Variants in TAS2R1 observed in about 807,000 individuals in gnomAD.
The protein encoded by TAS2R1 is taste receptor type 2 member 1.
For synonymous variants in TAS2R1, 141 were observed against 134.2 expected (o/e 1.05, Z -0.35); for missense variants, 370 against 353.4 (o/e 1.05, Z -0.38).
chr5:9,718,161 G>A, the TAS2R1 span, among the ~76,000 whole-genome samples: 1 of 151,014 alleles, frequency 6.6e-6, no homozygotes, highest in East Asian at 2.0e-4. Flanking sequence ...AGTAGAGACG[G>A]TGTTTCGCCG....
chr5:9,687,139 T>C (rs1156421103), intron 1 of TAS2R1, among the ~76,000 whole-genome samples: 1 of 152,098 alleles, frequency 6.6e-6, no homozygotes, highest in East Asian at 1.9e-4. Context: ...TAATTTTGTA[T>C]TTTTTAGTAC....
At chr5:9,893,902 T>C in the TAS2R1 span, among the ~76,000 whole-genome samples, 14 of 152,320 alleles carry the variant, frequency 9.2e-5, no homozygotes, top group Non-Finnish European at 1.5e-4. Context: ...ACACAGTACC[T>C]AACATGGCCT....
chr5:9,766,099 T>C, the TAS2R1 span, among the ~76,000 whole-genome samples: 11 of 152,320 alleles, frequency 7.2e-5, no homozygotes, highest in African/African-American at 2.4e-4. Flanking sequence ...TATGCAGGAA[T>C]ACAGCACAAA....
chr5:9,716,345 T>C (rs1324651047), upstream of TAS2R1, among the ~76,000 whole-genome samples: 1 of 152,142 alleles, frequency 6.6e-6, no homozygotes, highest in African/African-American at 2.4e-5. Flanking sequence ...TTTCCCTTTT[T>C]TCCCTTTTCA....
intron 2 of TAS2R1, among the ~76,000 whole-genome samples, chr5:9,650,336 A>G (rs190753703): frequency 1.1e-4 from 16 of 151,972 alleles, no homozygotes; most frequent in African/African-American, 3.1e-4. Context: ...AATGCTGGGG[A>G]AAAAAGGGTG....
At chr5:9,740,835 C>T in the TAS2R1 span, among the ~76,000 whole-genome samples, 1,984 of 152,220 alleles carry the variant, frequency 0.013, 36 homozygotes, top group African/African-American at 0.043. Flanking sequence ...TACACTGCAC[C>T]GTAATCATTT....
At chr5:9,707,933 G>A (rs1446713658) in intron 1 of TAS2R1, among the ~76,000 whole-genome samples, 1 of 152,064 alleles carries the variant, frequency 6.6e-6, no homozygotes, top group African/African-American at 2.4e-5. Context: ...CTCTCTGCCT[G>A]GAGCTTCTTC....
the TAS2R1 span, among the ~76,000 whole-genome samples, chr5:9,796,740 GAAAAGAAAAAAA>G: frequency 9.7e-6 from 1 of 102,808 alleles, no homozygotes; most frequent in Non-Finnish European, 2.0e-5. Context: ...AAAAAAAAAA[GAAAAGAAAAAAA>G]AAAAGAAAAG....
At chr5:9,761,412 C>T in the TAS2R1 span, among the ~76,000 whole-genome samples, 1 of 138,026 alleles carries the variant, frequency 7.2e-6, no homozygotes, top group African/African-American at 2.7e-5. Context: ...CTTCAAGTCC[C>T]AGAAAAAAAA....
chr5:9,764,427 C>T, the TAS2R1 span, among the ~76,000 whole-genome samples: 1 of 152,156 alleles, frequency 6.6e-6, no homozygotes, highest in Non-Finnish European at 1.5e-5. Context: ...CTAGCATTTT[C>T]GAGCTGTTCC....
intron 1 of TAS2R1, among the ~76,000 whole-genome samples, chr5:9,679,050 C>A (rs1422656772): frequency 6.6e-6 from 1 of 152,164 alleles, no homozygotes; most frequent in African/African-American, 2.4e-5. Context: ...AACTATCAAG[C>A]CACACAAACA....
intron 1 of TAS2R1, among the ~76,000 whole-genome samples, chr5:9,670,943 A>G (rs539308859): frequency 6.6e-6 from 1 of 152,236 alleles, no homozygotes; most frequent in Non-Finnish European, 1.5e-5. Flanking sequence ...CTAATCCACC[A>G]TGATCAAGTA....
chr5:9,758,224 T>C, the TAS2R1 span, among the ~76,000 whole-genome samples: 6 of 152,196 alleles, frequency 3.9e-5, no homozygotes, highest in African/African-American at 1.2e-4. Context: ...AAAGCTCTTT[T>C]AACTGAAGAA....
chr5:9,680,427 G>T (rs1445000444), intron 1 of TAS2R1, among the ~76,000 whole-genome samples: 1 of 151,854 alleles, frequency 6.6e-6, no homozygotes, highest in Non-Finnish European at 1.5e-5. Context: ...TCGAAAGGAA[G>T]AAAAAAAGAA....
chr5:9,649,436 G>A (rs1740260214), intron 2 of TAS2R1, among the ~76,000 whole-genome samples: 1 of 152,172 alleles, frequency 6.6e-6, no homozygotes, highest in Non-Finnish European at 1.5e-5. Context: ...TTAATTGTAT[G>A]ACCTCATTGT....
At chr5:9,737,265 G>C in the TAS2R1 span, among the ~76,000 whole-genome samples, 2 of 152,168 alleles carry the variant, frequency 1.3e-5, no homozygotes, top group African/African-American at 4.8e-5. Flanking sequence ...CAATGGGGGT[G>C]TTCACTTACA....
chr5:9,873,633 G>A, the TAS2R1 span, among the ~76,000 whole-genome samples: 9,252 of 151,890 alleles, frequency 0.061, 364 homozygotes, highest in Non-Finnish European at 0.085. Context: ...TTGGGAGGCC[G>A]AGGCAGGTGG....
the TAS2R1 span, among the ~76,000 whole-genome samples, chr5:9,811,291 G>A: frequency 6.6e-6 from 1 of 152,136 alleles, no homozygotes; most frequent in African/African-American, 2.4e-5. Flanking sequence ...CCAGAACAAT[G>A]AGATGTAAAT....
upstream of TAS2R1, among the ~76,000 whole-genome samples, chr5:9,716,956 C>T (rs900315166): frequency 6.6e-5 from 10 of 152,148 alleles, no homozygotes; most frequent in Non-Finnish European, 1.3e-4. Flanking sequence ...GACCAGACAA[C>T]AGAGAACACT....
Sources: allele counts gnomAD v4.1 joint callset (sites outside exome capture counted in the v4.1 genomes callset), GRCh38; gene constraint gnomAD v4.1.1; transcripts MANE v1.5; gene names NCBI Gene and HGNC (gene_info 2026-07-23, HGNC 2026-07-21).